The following CPE variants were observed in gnomAD, a reference collection of about 807,000 sequenced individuals.
CPE encodes the protein carboxypeptidase E.
CPE carries 17 observed loss-of-function variants against 53.5 expected under a neutral mutation model. The observed-to-expected ratio is 0.32, with a 90% CI of 0.22 to 0.48. The LOEUF (loss-of-function observed/expected upper bound fraction) is 0.48, where lower values mean the gene tolerates loss of function less well. CPE is among the 20% of genes least tolerant of loss of function. The pLI is 0.99. For missense variants in CPE, 524 were observed against 614.7 expected, an observed-to-expected ratio of 0.85 and a Z score of 1.56; for synonymous variants, 226 against 228.8, an observed-to-expected ratio of 0.99 and a Z score of 0.11.
At chr4:165,466,412 T>G (rs1732104968) in intron 2 of CPE, among the ~76,000 whole-genome samples, 3 of 152,206 alleles carry the variant, frequency 2.0e-5, no homozygotes. Context: ...GCCTAGGACA[T>G]TACTGTACAC....
At chr4:165,408,634 A>G (rs1031201302) in intron 1 of CPE, among the ~76,000 whole-genome samples, 2 of 152,214 alleles carry the variant, frequency 1.3e-5, no homozygotes, top group African/African-American at 4.8e-5. Context: ...AATCACCTGG[A>G]GGGCTTGTTA....
intron 1 of CPE, among the ~76,000 whole-genome samples, chr4:165,400,877 G>A (rs1440982266): frequency 6.6e-6 from 1 of 151,562 alleles, no homozygotes; most frequent in Admixed American, 6.6e-5. Context: ...TCTTAATAGG[G>A]TGACCTTATG....
intron 1 of CPE, among the ~76,000 whole-genome samples, chr4:165,394,041 G>A (rs761657052): frequency 5.9e-5 from 9 of 152,154 alleles, no homozygotes; most frequent in African/African-American, 9.7e-5. Flanking sequence ...GAGAGGGTAT[G>A]TAGAGAGTCA....
intron 1 of CPE, among the ~76,000 whole-genome samples, chr4:165,400,897 C>G (rs924650343): frequency 1.3e-5 from 2 of 152,166 alleles, no homozygotes; most frequent in Non-Finnish European, 2.9e-5. Flanking sequence ...GTCTTTGTTT[C>G]CAACATATTC....
intron 1 of CPE, among the ~76,000 whole-genome samples, chr4:165,396,094 T>C (rs1730763158): frequency 6.6e-6 from 1 of 152,210 alleles, no homozygotes; most frequent in Non-Finnish European, 1.5e-5. Context: ...AAATCTAAAA[T>C]ATGGCAAAGT....
chr4:165,418,574 T>G (rs1346430748), intron 1 of CPE, among the ~76,000 whole-genome samples: 1 of 152,212 alleles, frequency 6.6e-6, no homozygotes, highest in Non-Finnish European at 1.5e-5. Flanking sequence ...CGTTATTCCA[T>G]TAGAATAGAA....
chr4:165,479,037 T>A (rs180844158), intron 3 of CPE, among the ~76,000 whole-genome samples: 6 of 152,142 alleles, frequency 3.9e-5, no homozygotes, highest in Non-Finnish European at 8.8e-5. Context: ...GCCATTGGGT[T>A]AAAGAAAATA....
At chr4:165,406,408 G>A (rs944652887) in intron 1 of CPE, 6 of 363,966 alleles carry the variant, frequency 1.6e-5, no homozygotes, top group Non-Finnish European at 2.7e-5. Flanking sequence ...CTTATCTTTT[G>A]TATTAGCTTT....
chr4:165,426,482 C>T (rs535555594), intron 1 of CPE, among the ~76,000 whole-genome samples: 2 of 152,332 alleles, frequency 1.3e-5, no homozygotes, highest in South Asian at 4.1e-4. Context: ...ACATCAGACT[C>T]TGCTGTTAAC....
At chr4:165,455,801 C>G (rs1010611913) in intron 1 of CPE, among the ~76,000 whole-genome samples, 2 of 152,008 alleles carry the variant, frequency 1.3e-5, no homozygotes, top group Non-Finnish European at 2.9e-5. Flanking sequence ...TACAGGCGCC[C>G]GCCACCACAT....
chr4:165,481,483 G>A (rs1440250439), intron 3 of CPE, among the ~76,000 whole-genome samples: 1 of 152,106 alleles, frequency 6.6e-6, no homozygotes, highest in Admixed American at 6.5e-5. Flanking sequence ...AAGCACTTGG[G>A]GTTTGAGAGT....
intron 1 of CPE, among the ~76,000 whole-genome samples, chr4:165,397,950 G>A (rs1327631975): frequency 1.3e-5 from 2 of 151,182 alleles, no homozygotes; most frequent in Non-Finnish European, 1.5e-5. Context: ...TACTCCAGAG[G>A]CTGAGGTGGG....
chr4:165,388,761 T>C (rs1012350701), intron 1 of CPE, among the ~76,000 whole-genome samples: 3 of 152,316 alleles, frequency 2.0e-5, no homozygotes, highest in African/African-American at 7.2e-5. Flanking sequence ...TGAAATACTT[T>C]TTGTCCTTTT....
intron 3 of CPE, among the ~76,000 whole-genome samples, chr4:165,481,315 G>T (rs1732408064): frequency 6.6e-6 from 1 of 152,072 alleles, no homozygotes; most frequent in East Asian, 1.9e-4. Flanking sequence ...ATGTTGAAGT[G>T]CAGTAAAATA....
At chr4:165,493,114 C>A in intron 6 of CPE, 57 bp from the exon 7 acceptor site, 2 of 1,074,908 alleles carry the variant, frequency 1.9e-6, no homozygotes, top group South Asian at 1.3e-5. Flanking sequence ...ATATTTAAGG[C>A]CATTTCTATA....
At chr4:165,424,736 G>A (rs966587249) in intron 1 of CPE, among the ~76,000 whole-genome samples, 15 of 151,502 alleles carry the variant, frequency 9.9e-5, no homozygotes, top group African/African-American at 2.7e-4. Flanking sequence ...GGGTTTCACC[G>A]TGTTAGCCAG....
chr4:165,385,266 C>T (rs780307116), intron 1 of CPE, among the ~76,000 whole-genome samples: 8 of 152,080 alleles, frequency 5.3e-5, no homozygotes, highest in Non-Finnish European at 1.2e-4. Context: ...AAACTGTGCT[C>T]CATGGCCTTT....
At chr4:165,424,711 T>C (rs1445659119) in intron 1 of CPE, among the ~76,000 whole-genome samples, 4 of 151,854 alleles carry the variant, frequency 2.6e-5, no homozygotes, top group African/African-American at 4.8e-5. Flanking sequence ...TTTTTTTGTA[T>C]TTTTAGTAGA....
chr4:165,480,176 C>T (rs570175679), intron 3 of CPE, among the ~76,000 whole-genome samples: 2 of 152,060 alleles, frequency 1.3e-5, no homozygotes, highest in Admixed American at 6.6e-5. Flanking sequence ...CTTTAAAACA[C>T]ATAATAATTC....
Sources: gnomAD v4.1 joint callset for allele counts (sites outside exome capture counted in the v4.1 genomes callset) on GRCh38, gnomAD v4.1.1 for gene constraint, MANE v1.5 for transcripts, NCBI Gene and HGNC (gene_info 2026-07-23, HGNC 2026-07-21) for gene names.